The following PRKN variants were observed in gnomAD, a reference collection of about 807,000 sequenced individuals.
PRKN encodes the protein parkin RBR E3 ubiquitin protein ligase, also known as E3 ubiquitin-protein ligase parkin.
Under a neutral mutation model 59.5 loss-of-function variants are expected in PRKN, and 56 were observed. That is an observed-to-expected ratio of 0.94 (90% CI 0.76 to 1.18). The LOEUF (loss-of-function observed/expected upper bound fraction) is 1.18, where lower values mean the gene tolerates loss of function less well. PRKN is among the 50% of genes most tolerant of loss of function. PRKN has a pLI of 0.00. For missense variants in PRKN, 657 were observed against 596.4 expected (o/e 1.10, Z -1.06); for synonymous variants, 250 against 222.1 (o/e 1.13, Z -1.12).
intron 6 of PRKN, among the ~76,000 whole-genome samples, chr6:161,880,480 T>C (rs1055272556): frequency 5.3e-5 from 8 of 152,186 alleles, no homozygotes; most frequent in Non-Finnish European, 1.0e-4. Flanking sequence ...ATCGTTATTT[T>C]TCCCCCACAG....
At chr6:161,381,998 G>A (rs1409899721) in intron 10 of PRKN, among the ~76,000 whole-genome samples, 1 of 151,360 alleles carries the variant, frequency 6.6e-6, no homozygotes, top group Non-Finnish European at 1.5e-5. Flanking sequence ...TGTAGTTTCA[G>A]CTACTTGGAA....
At chr6:162,226,572 T>A (rs1778188752) in intron 3 of PRKN, among the ~76,000 whole-genome samples, 1 of 152,206 alleles carries the variant, frequency 6.6e-6, no homozygotes, top group African/African-American at 2.4e-5. Flanking sequence ...CCTTGCTCTG[T>A]TGCCAGGCTG....
intron 4 of PRKN, among the ~76,000 whole-genome samples, chr6:162,128,942 C>T (rs1781233566): frequency 6.6e-6 from 1 of 152,156 alleles, no homozygotes; most frequent in Admixed American, 6.6e-5. Context: ...TCTAAGCCAC[C>T]CAATTTGTGA....
chr6:161,788,631 C>T (rs1266543436), intron 6 of PRKN, among the ~76,000 whole-genome samples: 2 of 140,868 alleles, frequency 1.4e-5, no homozygotes, highest in Admixed American at 6.7e-5. Flanking sequence ...AGTGGGTTAC[C>T]AGAGAGTGAG....
chr6:161,749,656 C>T (rs554792109), intron 7 of PRKN, among the ~76,000 whole-genome samples: 2 of 152,076 alleles, frequency 1.3e-5, no homozygotes, highest in African/African-American at 4.8e-5. Context: ...ACTGCAAACC[C>T]CTCTGAGAAG....
intron 6 of PRKN, among the ~76,000 whole-genome samples, chr6:161,870,302 AC>A (rs1794292597): frequency 1.3e-5 from 2 of 152,174 alleles, no homozygotes; most frequent in Non-Finnish European, 2.9e-5. Flanking sequence ...ATACTCTATT[AC>A]CAAATTAGTG....
rs190530454 is a variant in PRKN at position 161,467,503 on chromosome 6, C to T, written c.1084-80626G>A. 5.3e-5 allele frequency among the ~76,000 whole-genome samples: 8 copies of T among 152,122 alleles called. No homozygotes were observed. In the East Asian group the frequency reaches 1.5e-3, roughly 29 times the overall value. On this transcript the variant is annotated intron_variant, in intron 9 of 11. Coordinates refer to ENST00000366898, the MANE Select transcript of PRKN (RefSeq NM_004562.3). This position sits in a 1 kb window ranked among gnomAD's most constrained non-coding sequence, Gnocchi z 4.3. ...TAAGCATATGGTCCAATGGGGAAGA[C>T]CTAGATACAATTTTAATACAATGCT...
intron 4 of PRKN, among the ~76,000 whole-genome samples, chr6:162,129,191 T>C (rs1447822421): frequency 2.0e-5 from 3 of 152,196 alleles, no homozygotes; most frequent in Non-Finnish European, 4.4e-5. Context: ...AGCTTTATAT[T>C]AAGTACTTCA....
intron 5 of PRKN, among the ~76,000 whole-genome samples, chr6:162,043,917 C>T (rs1401909816): frequency 6.6e-6 from 1 of 152,174 alleles, no homozygotes; most frequent in African/African-American, 2.4e-5. Flanking sequence ...GAAACACGAA[C>T]AGTCAAGACA....
At chr6:162,502,560 T>A (rs1458329008) in intron 1 of PRKN, among the ~76,000 whole-genome samples, 1 of 151,902 alleles carries the variant, frequency 6.6e-6, no homozygotes, top group Non-Finnish European at 1.5e-5. Context: ...CAAATTATCA[T>A]GCCTAATAAT....
In PRKN at chr6:161,770,927, G is replaced by A. The variant is rs565235366; in HGVS notation, c.871+14845C>T. On this transcript the variant is annotated intron_variant, in intron 7 of 11. Coordinates refer to ENST00000366898, the MANE Select transcript of PRKN (RefSeq NM_004562.3). ...GGACGATATCTACCAGCCAAGGAGA[G>A]AGGCTTCAGGAGAAATCAACCCTGC... 1.8e-3 allele frequency among the ~76,000 whole-genome samples: 278 copies of A among 152,230 alleles called. 1 individual carries two copies. Among genetic ancestry groups the A allele is most frequent in the African/African-American group, 6.4e-3 (264 of 41,532 alleles).
chr6:162,035,878 C>T (rs757976094), intron 5 of PRKN, among the ~76,000 whole-genome samples: 4 of 152,144 alleles, frequency 2.6e-5, no homozygotes, highest in Non-Finnish European at 5.9e-5. Flanking sequence ...ACATTAGATT[C>T]ATAGAAACCC....
intron 2 of PRKN, among the ~76,000 whole-genome samples, chr6:162,425,250 G>C (rs1789175667): frequency 6.6e-6 from 1 of 152,114 alleles, no homozygotes; most frequent in African/African-American, 2.4e-5. Flanking sequence ...GTTACACACT[G>C]CATGCCAGAG....
At chr6:161,726,808 G>A (rs572624370) in intron 7 of PRKN, among the ~76,000 whole-genome samples, 1 of 152,254 alleles carries the variant, frequency 6.6e-6, no homozygotes, top group Admixed American at 6.5e-5. Flanking sequence ...TCCCAATCAG[G>A]AATCACAACT....
chr6:161,551,546 A>T lies in PRKN; in HGVS notation c.934-2543T>A, dbSNP rs925743672. 2.0e-5 allele frequency among the ~76,000 whole-genome samples: 3 copies of T among 152,164 alleles called. No homozygotes were observed. The highest frequency in any genetic ancestry group is 7.2e-5 in the African/African-American group (3 of 41,444). ...AAAGCCAAGGGAACACATCTCAAGG[A>T]GGCTGCCATGATGAGCTGTGGTTGG... On this transcript the variant is annotated intron_variant, in intron 8 of 11. Coordinates refer to ENST00000366898, the MANE Select transcript of PRKN (RefSeq NM_004562.3). This position sits in a 1 kb window ranked among gnomAD's most constrained non-coding sequence, Gnocchi z 5.2.
At chr6:162,455,355 T>A (rs142451290) in intron 1 of PRKN, among the ~76,000 whole-genome samples, 1 of 152,212 alleles carries the variant, frequency 6.6e-6, no homozygotes, top group Non-Finnish European at 1.5e-5. Context: ...TTCATCATTG[T>A]GCAAACATCA....
At chr6:161,820,336 T>C (rs748843901) in intron 6 of PRKN, among the ~76,000 whole-genome samples, 1 of 151,758 alleles carries the variant, frequency 6.6e-6, no homozygotes, top group Middle Eastern at 3.2e-3. Flanking sequence ...AAAAAGTTTA[T>C]AACTTTCAAC....
At chr6:161,971,650 A>G (rs1398473271) in intron 6 of PRKN, among the ~76,000 whole-genome samples, 1 of 152,200 alleles carries the variant, frequency 6.6e-6, no homozygotes, top group Non-Finnish European at 1.5e-5. Context: ...GTGACTAAAC[A>G]TGCAGCAAAG....
chr6:162,271,809 C>G (rs1012128293), intron 2 of PRKN, among the ~76,000 whole-genome samples: 2 of 152,064 alleles, frequency 1.3e-5, no homozygotes, highest in Admixed American at 6.6e-5. Context: ...CAAACTGATC[C>G]TTCATTTAAA....
Sources: allele counts gnomAD v4.1 joint callset (sites outside exome capture counted in the v4.1 genomes callset), GRCh38; gene constraint gnomAD v4.1.1; non-coding constraint Gnocchi (gnomAD v3.1); transcripts MANE v1.5; gene names NCBI Gene and HGNC (gene_info 2026-07-23, HGNC 2026-07-21).